Variants in BCAT1 observed in about 807,000 individuals in gnomAD.
BCAT1 encodes branched chain amino acid transaminase 1, also known as branched-chain-amino-acid aminotransferase, cytosolic.
A neutral mutation model predicts 52.4 loss-of-function variants in BCAT1; 48 were observed. That is an observed-to-expected ratio of 0.92 (90% CI 0.73 to 1.16). The LOEUF (loss-of-function observed/expected upper bound fraction) is 1.16. Among genes scored for constraint, BCAT1 ranks in the 50% most tolerant of loss-of-function variants. BCAT1 has a pLI of 0.00. For synonymous variants in BCAT1, 167 were observed against 161.3 expected (o/e 1.04, Z -0.27); for missense variants, 451 against 457.1 (o/e 0.99, Z 0.12).
At chr12:24,890,612 A>C (rs1942811130) in intron 3 of BCAT1, among the ~76,000 whole-genome samples, 1 of 152,206 alleles carries the variant, frequency 6.6e-6, no homozygotes. Context: ...GACAATTTAC[A>C]GAGGCCATGG....
At chr12:24,834,403 G>T in intron 8 of BCAT1, 1 of 985,076 alleles carries the variant, frequency 1.0e-6, no homozygotes, top group Non-Finnish European at 1.2e-6. Context: ...ATAGGAAATG[G>T]GAAAAAGATC....
chr12:24,924,042 C>A (rs1943541664), intron 1 of BCAT1, among the ~76,000 whole-genome samples: 1 of 152,210 alleles, frequency 6.6e-6, no homozygotes, highest in Non-Finnish European at 1.5e-5. Context: ...ATAATTACAG[C>A]ACTAGACATT....
chr12:24,917,683 A>G (rs549035412), intron 1 of BCAT1, among the ~76,000 whole-genome samples: 1 of 152,218 alleles, frequency 6.6e-6, no homozygotes, highest in South Asian at 2.1e-4. Flanking sequence ...TTTTATTTTT[A>G]TTTTCACTTT....
chr12:24,891,863 C>A (rs1382421889), intron 3 of BCAT1, among the ~76,000 whole-genome samples: 1 of 151,822 alleles, frequency 6.6e-6, no homozygotes, highest in Non-Finnish European at 1.5e-5. Context: ...ATTTTCCTGC[C>A]TCAGCCTCCT....
At chr12:24,881,512 A>G in intron 3 of BCAT1, 101 bp from the exon 4 acceptor site, 1 of 714,016 alleles carries the variant, frequency 1.4e-6, no homozygotes, top group South Asian at 1.8e-5. Flanking sequence ...TTCATCCCAT[A>G]AAGCTGTTGA....
intron 5 of BCAT1, among the ~76,000 whole-genome samples, chr12:24,877,409 A>T (rs1436885171): frequency 6.6e-6 from 1 of 152,182 alleles, no homozygotes; most frequent in Non-Finnish European, 1.5e-5. Flanking sequence ...GGGTCTTCAT[A>T]TAAACATACT....
At chr12:24,860,240 A>C (rs1053723467) in intron 5 of BCAT1, among the ~76,000 whole-genome samples, 1 of 151,086 alleles carries the variant, frequency 6.6e-6, no homozygotes, top group Admixed American at 6.6e-5. Context: ...AAAAACTTTC[A>C]AGAGTCTCCC....
intron 2 of BCAT1, among the ~76,000 whole-genome samples, chr12:24,897,120 T>C (rs1454436731): frequency 2.0e-5 from 3 of 152,162 alleles, no homozygotes; most frequent in Non-Finnish European, 4.4e-5. Flanking sequence ...ACAAACTTAA[T>C]GCAAATTTTC....
chr12:24,949,294 GCAAATGACACGGTTAC>G (rs1943986662), upstream of BCAT1: 2 of 334,144 alleles, frequency 6.0e-6, no homozygotes, highest in Non-Finnish European at 1.1e-5. Flanking sequence ...AGTGTTGCAA[GCAAATGACACGGTTAC>G]CCCCGAATCA....
chr12:24,833,480 C>T (rs1940777086), intron 8 of BCAT1, among the ~76,000 whole-genome samples: 1 of 152,148 alleles, frequency 6.6e-6, no homozygotes, highest in South Asian at 2.1e-4. Flanking sequence ...GATCACGTCA[C>T]TGCAGTCCAG....
At chr12:24,824,997 G>A in intron 10 of BCAT1, among the ~76,000 whole-genome samples, 1 of 151,998 alleles carries the variant, frequency 6.6e-6, no homozygotes, top group East Asian at 1.9e-4. Context: ...GAGAACATGT[G>A]ATGTTTGTCT....
At chr12:24,939,408 A>C (rs1238444582) in intron 1 of BCAT1, among the ~76,000 whole-genome samples, 2 of 152,222 alleles carry the variant, frequency 1.3e-5, no homozygotes, top group Non-Finnish European at 2.9e-5. Context: ...GTTACTATGA[A>C]TCATTATAAT....
intron 5 of BCAT1, among the ~76,000 whole-genome samples, chr12:24,861,445 C>T (rs1009103568): frequency 1.2e-4 from 18 of 152,214 alleles, no homozygotes; most frequent in African/African-American, 2.7e-4. Flanking sequence ...GACTACTCAA[C>T]GTTTTCTTAA....
At chr12:24,898,012 A>G (rs902069293) in intron 2 of BCAT1, among the ~76,000 whole-genome samples, 17 of 152,324 alleles carry the variant, frequency 1.1e-4, no homozygotes, top group Non-Finnish European at 2.5e-4. Context: ...CTAAATTACT[A>G]GGTGATAGAA....
chr12:24,842,216 C>A lies in BCAT1; in HGVS notation c.683G>T (p.Gly228Val). 1 of 1,613,824 alleles carries A rather than the reference C, an allele frequency of 6.2e-7. No homozygotes were observed. The highest frequency in any genetic ancestry group is 8.5e-7 in the Non-Finnish European group (1 of 1,179,834). ...TGDCKMGGNY[G>V]SSLFAQCEAV... ...TTCACATTGGGCAAAAAGAGATGAGCCGTAATTCCTTTAAGAAAGAGAAAA... is the reference window on the plus strand; with the variant it reads ...TTCACATTGGGCAAAAAGAGATGAGACGTAATTCCTTTAAGAAAGAGAAAA... The change falls in exon 7 of 11, where the codon GGC (glycine) becomes GTC (valine). Residue 228 changes from glycine to valine, a missense_variant. Transcript: ENST00000261192.
intron 5 of BCAT1, among the ~76,000 whole-genome samples, chr12:24,872,579 C>T (rs1011864239): frequency 6.6e-6 from 1 of 152,152 alleles, no homozygotes; most frequent in African/African-American, 2.4e-5. Context: ...TACTTACAGA[C>T]AATCTAAGTG....
chr12:24,910,862 T>C (rs1393598211), intron 1 of BCAT1, among the ~76,000 whole-genome samples: 1 of 152,218 alleles, frequency 6.6e-6, no homozygotes, highest in Non-Finnish European at 1.5e-5. Context: ...CCCAGCACTT[T>C]GGGAGGCCAA....
intron 4 of BCAT1, among the ~76,000 whole-genome samples, chr12:24,880,566 AC>A (rs1443029610): frequency 6.6e-6 from 1 of 152,236 alleles, no homozygotes; most frequent in African/African-American, 2.4e-5. Context: ...TTATCTCAAA[AC>A]ATTACTTAAG....
intron 1 of BCAT1, chr12:24,904,225 C>G (rs1943187163): frequency 1.3e-5 from 2 of 152,412 alleles, no homozygotes; most frequent in Admixed American, 6.5e-5. Flanking sequence ...TGTTTTGAGA[C>G]GGAGTCTCGC....
Sources: allele counts gnomAD v4.1 joint callset (sites outside exome capture counted in the v4.1 genomes callset), GRCh38; gene constraint gnomAD v4.1.1; transcripts MANE v1.5; gene names NCBI Gene and HGNC (gene_info 2026-07-23, HGNC 2026-07-21).